ZNF804A: variants seen among roughly 807,000 people sequenced by gnomAD.
The protein encoded by ZNF804A is zinc finger protein 804A.
Under a neutral mutation model 16.5 loss-of-function variants are expected in ZNF804A, and 2 were observed. The ratio of observed to expected loss-of-function variants is 0.12; its 90% CI spans 0.05 to 0.38. ZNF804A has a LOEUF of 0.38. Among genes scored for constraint, ZNF804A ranks in the 10% least tolerant of loss-of-function variants. ZNF804A has a pLI of 0.99. For synonymous variants in ZNF804A, 534 were observed against 489.6 expected, an observed-to-expected ratio of 1.09 and a Z score of -1.20; for missense variants, 1,473 against 1,390.7, an observed-to-expected ratio of 1.06 and a Z score of -0.94.
rs753582140 is a variant in ZNF804A at position 184,935,886 on chromosome 2, C to A, written c.490C>A (p.Gln164Lys). The change falls in exon 4 of 4, where the codon CAA becomes AAA. Residue 164 changes from glutamine (Q) to lysine (K), a missense_variant. Gln to Lys is a moderately conservative substitution (Grantham distance 53). Transcript: ENST00000302277. ...TGTTGTGGATTCAGTTAATAACCAG[C>A]AAGATTTCAAATATACTTTGATTCA... ...RVVVDSVNNQ[Q>K]DFKYTLIHSE... 44 of 1,613,712 alleles carry A rather than the reference C, an allele frequency of 2.7e-5. No individual in the cohort carries two copies. Among genetic ancestry groups the A allele is most frequent in the African/African-American group, 4.0e-5 (3 of 74,872 alleles).
intron 2 of ZNF804A, among the ~76,000 whole-genome samples, chr2:184,885,806 G>A (rs185762830): frequency 2.9e-4 from 44 of 152,100 alleles, no homozygotes; most frequent in Admixed American, 6.5e-4. Context: ...AGGAAAGACC[G>A]GGCCCCATGA....
intron 1 of ZNF804A, among the ~76,000 whole-genome samples, chr2:184,685,074 GTGGGGAGGAGTA>G (rs1256821838): frequency 6.6e-6 from 1 of 152,104 alleles, no homozygotes; most frequent in Non-Finnish European, 1.5e-5. Context: ...GAGGCATGTA[GTGGGGAGGAGTA>G]TGGGGGTGAG....
intron 1 of ZNF804A, among the ~76,000 whole-genome samples, chr2:184,864,855 G>A (rs941445545): frequency 6.8e-6 from 1 of 147,972 alleles, no homozygotes; most frequent in African/African-American, 2.5e-5. Flanking sequence ...GTAAGTAAGA[G>A]ACTTGAATAT....
intron 1 of ZNF804A, among the ~76,000 whole-genome samples, chr2:184,731,411 T>C (rs749261441): frequency 5.9e-5 from 9 of 152,034 alleles, no homozygotes; most frequent in Non-Finnish European, 1.0e-4. Flanking sequence ...GTCAGTGTTC[T>C]GGATTTTGGC....
At chr2:184,678,916 A>C (rs1468948802) in intron 1 of ZNF804A, among the ~76,000 whole-genome samples, 1 of 152,256 alleles carries the variant, frequency 6.6e-6, no homozygotes, top group Non-Finnish European at 1.5e-5. Flanking sequence ...ATATCAAAGT[A>C]CAGAGATATG....
rs1004136110 is a variant in ZNF804A, at chr2:184,679,856, G to T, written c.111+80786G>T. Among the ~76,000 whole-genome samples the T allele has an allele frequency of 5.3e-5, 8 of 152,296 alleles. No homozygotes were observed. In the South Asian group the frequency reaches 1.7e-3, roughly 32 times the overall value. On this transcript the variant is annotated intron_variant, in intron 1 of 3. Transcript: ENST00000302277. ...CACTGTAGATGGCAGGTTAATGGCG[G>T]CAGGGAGCAGATGGGCTCCTGGGCA...
In ZNF804A at chr2:184,598,922, G is replaced by C. The variant is rs1201979293; in HGVS notation, c.-38G>C. The C allele has an allele frequency of 7.0e-7, 1 of 1,433,378 alleles. No individual in the cohort carries two copies. Among genetic ancestry groups the C allele is most frequent in the African/African-American group, 1.5e-5 (1 of 67,870 alleles). 88.8% of individuals were successfully genotyped at this position (1,433,378 alleles called of 1,614,324 possible). Reference sequence around the variant, plus strand: ...TGCGGCTGTGGGCGCGGGGTGCGTGGAAGCGGCGGCTGCGGCGGAGGAGGC... The same window carrying C: ...TGCGGCTGTGGGCGCGGGGTGCGTGCAAGCGGCGGCTGCGGCGGAGGAGGC... On this transcript the variant is annotated 5_prime_UTR_variant, in exon 1 of 4. Transcript: ENST00000302277.
intron 1 of ZNF804A, among the ~76,000 whole-genome samples, chr2:184,753,410 T>G (rs1230889271): frequency 6.6e-6 from 1 of 151,604 alleles, no homozygotes; most frequent in African/African-American, 2.4e-5. Flanking sequence ...CATACCATGC[T>G]ACTCTTAGGT....
At chr2:184,683,161 T>C (rs1692569470) in intron 1 of ZNF804A, among the ~76,000 whole-genome samples, 1 of 152,372 alleles carries the variant, frequency 6.6e-6, no homozygotes, top group South Asian at 2.1e-4. Flanking sequence ...ATTATGTCTC[T>C]GTGTTGCAGG....
chr2:184,668,059 C>T (rs886718712), intron 1 of ZNF804A, among the ~76,000 whole-genome samples: 2 of 151,534 alleles, frequency 1.3e-5, no homozygotes, highest in Non-Finnish European at 3.0e-5. Context: ...AAAATAAGGG[C>T]TCCAGTTATC....
chr2:184,651,116 A>G (rs772284215), intron 1 of ZNF804A, among the ~76,000 whole-genome samples: 18 of 152,212 alleles, frequency 1.2e-4, no homozygotes, highest in Non-Finnish European at 2.2e-4. Context: ...ATGGAATACA[A>G]TAGAGAACAC....
At chr2:184,850,231 T>A (rs906991643) in intron 1 of ZNF804A, among the ~76,000 whole-genome samples, 5 of 151,874 alleles carry the variant, frequency 3.3e-5, no homozygotes, top group African/African-American at 1.2e-4. Flanking sequence ...ATTAGAAGGT[T>A]CCTAACACAA....
intron 2 of ZNF804A, among the ~76,000 whole-genome samples, chr2:184,927,767 C>G (rs1685632784): frequency 6.6e-6 from 1 of 152,228 alleles, no homozygotes; most frequent in Non-Finnish European, 1.5e-5. Flanking sequence ...ACCACCATCA[C>G]AGGCCCATAG....
At chr2:184,836,671 CT>C (rs1305212975) in intron 1 of ZNF804A, among the ~76,000 whole-genome samples, 2 of 147,876 alleles carry the variant, frequency 1.4e-5, no homozygotes, top group African/African-American at 5.0e-5. Context: ...GATATAGATG[CT>C]TTGTGTGTGT....
At chr2:184,648,186 A>G (rs1470092438) in intron 1 of ZNF804A, among the ~76,000 whole-genome samples, 1 of 152,224 alleles carries the variant, frequency 6.6e-6, no homozygotes, top group Non-Finnish European at 1.5e-5. Context: ...AAGGGGAATT[A>G]AAATCTTTTC....
At chr2:184,684,130 A>G (rs1332954955) in intron 1 of ZNF804A, among the ~76,000 whole-genome samples, 2 of 152,226 alleles carry the variant, frequency 1.3e-5, no homozygotes, top group Admixed American at 6.5e-5. Context: ...TTCTGAAGCT[A>G]TGACTTTACA....
chr2:184,888,956 T>A (rs1253207931), intron 2 of ZNF804A, among the ~76,000 whole-genome samples: 2 of 151,958 alleles, frequency 1.3e-5, no homozygotes, highest in Non-Finnish European at 2.9e-5. Context: ...AATAAGTTTG[T>A]GATCTGAAAA....
intron 1 of ZNF804A, among the ~76,000 whole-genome samples, chr2:184,678,347 C>T (rs1163560822): frequency 6.6e-6 from 1 of 151,996 alleles, no homozygotes; most frequent in African/African-American, 2.4e-5. Context: ...TATTGATATT[C>T]AAAACCGAAT....
At chr2:184,807,537 T>C (rs1694826508) in intron 1 of ZNF804A, among the ~76,000 whole-genome samples, 1 of 151,810 alleles carries the variant, frequency 6.6e-6, no homozygotes, top group Admixed American at 6.6e-5. Context: ...TTTTTTTGTC[T>C]TCAAAATCAG....
Sources: allele counts gnomAD v4.1 joint callset (sites outside exome capture counted in the v4.1 genomes callset), GRCh38; gene constraint gnomAD v4.1.1; transcripts MANE v1.5; gene names NCBI Gene and HGNC (gene_info 2026-07-23, HGNC 2026-07-21).